Variants in LDLRAD4 observed in about 807,000 individuals in gnomAD.
LDLRAD4 encodes low density lipoprotein receptor class A domain containing 4, also known as low-density lipoprotein receptor class A domain-containing protein 4.
In LDLRAD4, 5 loss-of-function variants were observed where a neutral mutation model predicts 17.0. That is an observed-to-expected ratio of 0.29 (90% CI 0.15 to 0.62). The LOEUF (loss-of-function observed/expected upper bound fraction) is 0.62. Ranked by LOEUF, LDLRAD4 falls within the 20% of genes least tolerant of loss-of-function variation. The pLI is 0.84. For synonymous variants in LDLRAD4, 168 were observed against 171.8 expected (o/e 0.98, Z 0.17); for missense variants, 340 against 424.7 (o/e 0.80, Z 1.75).
At chr18:13,521,078 C>G (rs1265745207) in intron 3 of LDLRAD4, 2 of 152,196 alleles carry the variant, frequency 1.3e-5, no homozygotes, top group Non-Finnish European at 2.9e-5. Flanking sequence ...GTCAGTCTCC[C>G]TACTGTTGTA....
At chr18:13,268,234 G>A (rs1012986104) in intron 1 of LDLRAD4, among the ~76,000 whole-genome samples, 8 of 152,060 alleles carry the variant, frequency 5.3e-5, no homozygotes, top group Admixed American at 1.3e-4. Flanking sequence ...CTCTCTATCC[G>A]TTTTCCTTAG....
chr18:13,452,137 G>T (rs1347692002), intron 3 of LDLRAD4, among the ~76,000 whole-genome samples: 2 of 152,166 alleles, frequency 1.3e-5, no homozygotes, highest in Non-Finnish European at 2.9e-5. Flanking sequence ...CTGTCAGAGG[G>T]GCAGGTCCCC....
intron 3 of LDLRAD4, among the ~76,000 whole-genome samples, chr18:13,553,852 C>T (rs1203582487): frequency 6.6e-6 from 1 of 152,108 alleles, no homozygotes; most frequent in African/African-American, 2.4e-5. Context: ...GTGTCTATGA[C>T]CTAGGAGAGT....
chr18:13,273,808 T>G (rs1599042893), upstream of LDLRAD4, among the ~76,000 whole-genome samples: 4 of 152,220 alleles, frequency 2.6e-5, no homozygotes, highest in Admixed American at 1.3e-4. Context: ...CAGCCCCTCA[T>G]GCAGTCCTGT....
intron 1 of LDLRAD4, among the ~76,000 whole-genome samples, chr18:13,290,249 A>C (rs1159196311): frequency 6.6e-6 from 1 of 152,330 alleles, no homozygotes; most frequent in East Asian, 1.9e-4. Context: ...GGGGCTGGGG[A>C]TTCCTTCCTG....
intron 1 of LDLRAD4, among the ~76,000 whole-genome samples, chr18:13,234,317 G>A (rs767757584): frequency 1.3e-5 from 2 of 152,202 alleles, no homozygotes; most frequent in Non-Finnish European, 2.9e-5. Flanking sequence ...CCCTGGGTGC[G>A]CACATTAGTC....
At chr18:13,253,524 T>C (rs967177340) in intron 1 of LDLRAD4, among the ~76,000 whole-genome samples, 3 of 152,152 alleles carry the variant, frequency 2.0e-5, no homozygotes, top group Non-Finnish European at 4.4e-5. Flanking sequence ...TTAGTACTTG[T>C]GGGCAGGGCC....
chr18:13,234,893 A>G (rs1324028156), intron 1 of LDLRAD4: 1 of 152,224 alleles, frequency 6.6e-6, no homozygotes, highest in East Asian at 1.9e-4. Flanking sequence ...CTTGCTGGCT[A>G]AATACATTTT....
At chr18:13,547,369 C>T (rs1306430298) in intron 3 of LDLRAD4, among the ~76,000 whole-genome samples, 1 of 152,356 alleles carries the variant, frequency 6.6e-6, no homozygotes, top group East Asian at 1.9e-4. Context: ...CAGTGTCTAA[C>T]TTTGTGCGTC....
intron 1 of LDLRAD4, among the ~76,000 whole-genome samples, chr18:13,254,108 G>C (rs1446444993): frequency 1.3e-5 from 2 of 152,264 alleles, no homozygotes; most frequent in African/African-American, 4.8e-5. Context: ...AGATTCCACT[G>C]AGGGGAAGCC....
intron 3 of LDLRAD4, among the ~76,000 whole-genome samples, chr18:13,534,583 T>A (rs2094175679): frequency 6.6e-6 from 1 of 152,124 alleles, no homozygotes; most frequent in East Asian, 1.9e-4. Context: ...AATAAACACA[T>A]AGAAGAGAGA....
chr18:13,264,778 A>G (rs1295566149), intron 1 of LDLRAD4, among the ~76,000 whole-genome samples: 2 of 152,250 alleles, frequency 1.3e-5, no homozygotes, highest in Non-Finnish European at 2.9e-5. Context: ...TGCATTGCTG[A>G]AAAGAGTAGT....
chr18:13,650,548 C>A, exon 6 of LDLRAD4: 1 of 395,964 alleles, frequency 2.5e-6, no homozygotes, highest in Non-Finnish European at 4.4e-6. Context: ...ACCAAGCCGC[C>A]CCCTCCTGCA....
At chr18:13,599,486 ATTTT>A (rs35131642) in intron 3 of LDLRAD4, among the ~76,000 whole-genome samples, 1 of 81,750 alleles carries the variant, frequency 1.2e-5, no homozygotes, top group Non-Finnish European at 2.4e-5. Flanking sequence ...TGAGTCTCCA[ATTTT>A]TTTTTTTTTT....
chr18:13,492,207 G>T (rs1175934796), intron 3 of LDLRAD4, among the ~76,000 whole-genome samples: 2 of 152,116 alleles, frequency 1.3e-5, no homozygotes, highest in African/African-American at 4.8e-5. Flanking sequence ...AGGCCTGAGG[G>T]GCACAGAGGA....
chr18:13,361,409 G>GAAGTATAAGGAAAGAA (rs1568049839), intron 1 of LDLRAD4, among the ~76,000 whole-genome samples: 1 of 152,054 alleles, frequency 6.6e-6, no homozygotes, highest in East Asian at 1.9e-4. Flanking sequence ...TTGGAAGAAG[G>GAAGTATAAGGAAAGAA]GTATATATCT....
At chr18:13,570,321 C>CT (rs1484558202) in intron 3 of LDLRAD4, among the ~76,000 whole-genome samples, 2 of 152,210 alleles carry the variant, frequency 1.3e-5, no homozygotes, top group Non-Finnish European at 2.9e-5. Flanking sequence ...TGGCTCGGGT[C>CT]TCCGTGACCT....
intron 3 of LDLRAD4, among the ~76,000 whole-genome samples, chr18:13,475,788 A>G (rs1238749711): frequency 6.6e-6 from 1 of 152,208 alleles, no homozygotes; most frequent in African/African-American, 2.4e-5. Context: ...TGTGTGGTGC[A>G]AATAATAAAA....
intron 1 of LDLRAD4, among the ~76,000 whole-genome samples, chr18:13,303,886 G>T (rs1029301051): frequency 6.6e-6 from 1 of 152,190 alleles, no homozygotes; most frequent in African/African-American, 2.4e-5. Flanking sequence ...TCCATAAGAT[G>T]TGATGAAAAG....
Sources: gnomAD v4.1 joint callset for allele counts (sites outside exome capture counted in the v4.1 genomes callset) on GRCh38, gnomAD v4.1.1 for gene constraint, MANE v1.5 for transcripts, NCBI Gene and HGNC (gene_info 2026-07-23, HGNC 2026-07-21) for gene names.